Variants in SYT16 observed in about 807,000 individuals in gnomAD.
The protein encoded by SYT16 is synaptotagmin 16.
Under a neutral mutation model 61.4 loss-of-function variants are expected in SYT16, and 42 were observed. The ratio of observed to expected loss-of-function variants is 0.68; its 90% CI spans 0.53 to 0.89. SYT16 has a LOEUF of 0.89. SYT16 is among the 40% of genes least tolerant of loss of function. The pLI, the probability that SYT16 is intolerant of heterozygous loss-of-function variation, is 0.00. For missense variants in SYT16, 804 were observed against 807.3 expected (o/e 1.00, Z 0.05); for synonymous variants, 314 against 302.3 (o/e 1.04, Z -0.40).
chr14:61,926,953 G>A (rs1293171914), intron 1 of SYT16, among the ~76,000 whole-genome samples: 1 of 152,116 alleles, frequency 6.6e-6, no homozygotes, highest in Non-Finnish European at 1.5e-5. Flanking sequence ...TTTTACTTAG[G>A]TGAAATAGAC....
chr14:61,989,383 C>T (rs1055711097), intron 2 of SYT16, among the ~76,000 whole-genome samples: 3 of 151,984 alleles, frequency 2.0e-5, no homozygotes, highest in East Asian at 1.9e-4. Flanking sequence ...GCCAACATGG[C>T]GAAACCCCGT....
chr14:62,078,100 G>A (rs936468414), intron 5 of SYT16, among the ~76,000 whole-genome samples: 6 of 137,956 alleles, frequency 4.3e-5, no homozygotes, highest in African/African-American at 1.8e-4. Flanking sequence ...TTCATCTTGT[G>A]CGCTTGCTCT....
At chr14:61,869,444 A>C (rs1390311700) in intron 1 of SYT16, among the ~76,000 whole-genome samples, 1 of 152,030 alleles carries the variant, frequency 6.6e-6, no homozygotes, top group African/African-American at 2.4e-5. Context: ...GTTGCTCTAG[A>C]GTTTACAGTA....
chr14:61,971,245 G>A (rs1268348678), intron 2 of SYT16, among the ~76,000 whole-genome samples: 2 of 152,162 alleles, frequency 1.3e-5, no homozygotes, highest in African/African-American at 4.8e-5. Flanking sequence ...ATTATCCCAA[G>A]ACTTAGTAAC....
intron 1 of SYT16, among the ~76,000 whole-genome samples, chr14:61,824,349 TTTTA>T (rs1287210367): frequency 2.0e-5 from 3 of 150,926 alleles, no homozygotes; most frequent in East Asian, 3.9e-4. Context: ...AAGCATTTTA[TTTTA>T]TTTATTTATT....
chr14:61,936,473 T>C (rs1230874223), intron 1 of SYT16, among the ~76,000 whole-genome samples: 3 of 152,172 alleles, frequency 2.0e-5, no homozygotes, highest in African/African-American at 4.8e-5. Flanking sequence ...AGGCGGCTAA[T>C]GAGTTCACTA....
chr14:62,059,348 A>G (rs572848401), intron 3 of SYT16, among the ~76,000 whole-genome samples: 8 of 152,282 alleles, frequency 5.3e-5, no homozygotes, highest in Admixed American at 2.0e-4. Context: ...GGCCATTTGT[A>G]CACATTAATT....
At chr14:61,975,979 G>A (rs971427712) in intron 2 of SYT16, among the ~76,000 whole-genome samples, 7 of 152,194 alleles carry the variant, frequency 4.6e-5, no homozygotes, top group African/African-American at 1.4e-4. Flanking sequence ...TCAAAAGCAA[G>A]TTGGTTACTT....
At chr14:61,923,253 ACTCT>A (rs145655276) in intron 1 of SYT16, among the ~76,000 whole-genome samples, 1 of 151,658 alleles carries the variant, frequency 6.6e-6, no homozygotes, top group African/African-American at 2.4e-5. Context: ...CAACTTAACA[ACTCT>A]CTCTCTCTAC....
At chr14:62,096,954 G>A (rs530494869) in intron 7 of SYT16, among the ~76,000 whole-genome samples, 1 of 152,174 alleles carries the variant, frequency 6.6e-6, no homozygotes, top group East Asian at 1.9e-4. Flanking sequence ...AAAGTTAAAT[G>A]GCCAAATTCC....
chr14:62,017,939 T>G (rs2053756784), intron 3 of SYT16, among the ~76,000 whole-genome samples: 4 of 152,114 alleles, frequency 2.6e-5, no homozygotes, highest in Non-Finnish European at 4.4e-5. Flanking sequence ...TAGTCTTGAA[T>G]TCCTAGCCTG....
intron 3 of SYT16, among the ~76,000 whole-genome samples, chr14:62,047,819 T>A (rs1300984266): frequency 2.0e-5 from 3 of 152,352 alleles, no homozygotes; most frequent in African/African-American, 4.8e-5. Context: ...ATCCCAGAGA[T>A]GAAGCTCACT....
At chr14:61,930,470 C>T (rs1375183243) in intron 1 of SYT16, among the ~76,000 whole-genome samples, 2 of 152,050 alleles carry the variant, frequency 1.3e-5, no homozygotes, top group African/African-American at 4.8e-5. Flanking sequence ...AAGTTTCAAC[C>T]TTAACATCTG....
chr14:61,968,883 T>C (rs143107621), intron 1 of SYT16, among the ~76,000 whole-genome samples: 26 of 152,254 alleles, frequency 1.7e-4, no homozygotes, highest in African/African-American at 6.3e-4. Flanking sequence ...TCATGGTATG[T>C]GTTGGTTTTG....
At chr14:61,819,460 A>G (rs1039380198) in intron 1 of SYT16, among the ~76,000 whole-genome samples, 55 of 152,206 alleles carry the variant, frequency 3.6e-4, no homozygotes, top group African/African-American at 1.3e-3. Flanking sequence ...GTTTACATTT[A>G]TGGATGGATA....
At chr14:62,072,162 T>C (rs2056321801) in intron 4 of SYT16, among the ~76,000 whole-genome samples, 1 of 151,474 alleles carries the variant, frequency 6.6e-6, no homozygotes, top group Non-Finnish European at 1.5e-5. Flanking sequence ...AGTAACCTTA[T>C]TTTTGTGTAT....
At chr14:61,842,726 G>C (rs1314216227) in intron 1 of SYT16, among the ~76,000 whole-genome samples, 1 of 150,748 alleles carries the variant, frequency 6.6e-6, no homozygotes, top group Non-Finnish European at 1.5e-5. Flanking sequence ...ATTGAACAAT[G>C]AGAACACATG....
At chr14:61,929,850 GA>G (rs1366015479) in intron 1 of SYT16, among the ~76,000 whole-genome samples, 14 of 152,154 alleles carry the variant, frequency 9.2e-5, no homozygotes, top group Admixed American at 8.5e-4. Flanking sequence ...TTTTAAAACT[GA>G]AAGAGTGGGC....
rs189556264 is a variant in SYT16, at chr14:62,055,269, C to G, written c.524-14334C>G. The stretch of plus-strand genomic sequence containing the variant: ...AACTCTTGGGTCCTATCAAGCAATT[C>G]CCTTATAGGAGGCATACAAATGAGA... On this transcript the variant is annotated intron_variant, in intron 3 of 7. Transcript: ENST00000683842. Among the ~76,000 whole-genome samples the G allele has an allele frequency of 2.6e-5, 4 of 152,336 alleles. No homozygotes were observed. The East Asian group carries it at 7.7e-4, about 29-fold the overall frequency.
Sources: gnomAD v4.1 joint callset for allele counts (sites outside exome capture counted in the v4.1 genomes callset) on GRCh38, gnomAD v4.1.1 for gene constraint, MANE v1.5 for transcripts, NCBI Gene and HGNC (gene_info 2026-07-23, HGNC 2026-07-21) for gene names.